ERAP1: variants seen among roughly 807,000 people sequenced by gnomAD.
ERAP1 encodes endoplasmic reticulum aminopeptidase 1.
A neutral mutation model predicts 103.7 loss-of-function variants in ERAP1; 86 were observed. The ratio of observed to expected loss-of-function variants is 0.83; its 90% CI spans 0.70 to 0.99. The LOEUF (loss-of-function observed/expected upper bound fraction) is 0.99. Ranked by LOEUF, ERAP1 falls within the 50% of genes least tolerant of loss-of-function variation. The pLI is 0.00. For missense variants in ERAP1, 1,009 were observed against 1,128.4 expected, an observed-to-expected ratio of 0.89 and a Z score of 1.52; for synonymous variants, 398 against 402.4, an observed-to-expected ratio of 0.99 and a Z score of 0.13.
At chr5:96,850,070 A>T in the ERAP1 span, among the ~76,000 whole-genome samples, 2 of 152,290 alleles carry the variant, frequency 1.3e-5, no homozygotes, top group Admixed American at 6.5e-5. Context: ...TTTTAACCTT[A>T]TCTCACCTCC....
chr5:96,856,241 C>T, the ERAP1 span, among the ~76,000 whole-genome samples: 1 of 140,420 alleles, frequency 7.1e-6, no homozygotes, highest in Non-Finnish European at 1.5e-5. Context: ...ATTATTTGAA[C>T]CCGGGAGGCG....
the ERAP1 span, chr5:96,913,230 C>A: frequency 9.5e-7 from 1 of 1,050,854 alleles, no homozygotes; most frequent in Non-Finnish European, 1.4e-6. Context: ...TCTTTCTGTT[C>A]TATTCTTTTA....
At chr5:96,875,408 T>C in the ERAP1 span, among the ~76,000 whole-genome samples, 1 of 151,816 alleles carries the variant, frequency 6.6e-6, no homozygotes, top group South Asian at 2.1e-4. Context: ...TAGTGGTGGA[T>C]GCCTGTAGCC....
the ERAP1 span, among the ~76,000 whole-genome samples, chr5:96,849,944 A>T: frequency 6.6e-6 from 1 of 152,194 alleles, no homozygotes; most frequent in African/African-American, 2.4e-5. Context: ...GAAAGCCTAG[A>T]AATAAATCCG....
intron 19 of ERAP1, among the ~76,000 whole-genome samples, chr5:96,764,819 GT>G (rs1443780228): frequency 6.6e-6 from 1 of 152,094 alleles, no homozygotes; most frequent in African/African-American, 2.4e-5. Context: ...TTCATATCCA[GT>G]TTTCTAATGG....
intron 1 of ERAP1, among the ~76,000 whole-genome samples, chr5:96,806,276 A>G (rs773998856): frequency 1.3e-5 from 2 of 152,060 alleles, no homozygotes; most frequent in Non-Finnish European, 2.9e-5. Context: ...AATTTTCTGA[A>G]AGGGAGGCAG....
chr5:96,766,833 T>C (rs1424599314), intron 19 of ERAP1, among the ~76,000 whole-genome samples: 1 of 151,834 alleles, frequency 6.6e-6, no homozygotes, highest in East Asian at 1.9e-4. Flanking sequence ...CACCCTTCTC[T>C]TTCTGTACTG....
At chr5:96,862,611 T>A in the ERAP1 span, among the ~76,000 whole-genome samples, 4 of 152,224 alleles carry the variant, frequency 2.6e-5, no homozygotes, top group Admixed American at 2.6e-4. Context: ...CATTAAAAGA[T>A]TCCATCATTG....
intron 18 of ERAP1, 70 bp downstream of exon 18, chr5:96,780,353 G>C: frequency 8.8e-7 from 1 of 1,134,030 alleles, no homozygotes; most frequent in South Asian, 1.6e-5. Context: ...AAAGTATTTT[G>C]TCTACCCCAT....
At chr5:96,818,226 C>A in the ERAP1 span, among the ~76,000 whole-genome samples, 1 of 152,132 alleles carries the variant, frequency 6.6e-6, no homozygotes, top group Non-Finnish European at 1.5e-5. Context: ...TTTGGAATGT[C>A]TCCAGGGGCT....
the ERAP1 span, among the ~76,000 whole-genome samples, chr5:96,887,104 C>CATAT: frequency 1.6e-3 from 46 of 29,154 alleles, no homozygotes; most frequent in African/African-American, 3.0e-3. Context: ...TATATATACA[C>CATAT]ACACACACAC....
At chr5:96,924,784 G>A in the ERAP1 span, among the ~76,000 whole-genome samples, 3 of 152,134 alleles carry the variant, frequency 2.0e-5, no homozygotes, top group East Asian at 5.8e-4. Flanking sequence ...TTTTAGTAGC[G>A]ACGGGATTTC....
Position 96,793,908 on chromosome 5 carries a change from T to G in ERAP1, c.969A>C (p.Gly323=). 6.2e-7 allele frequency: 1 copy of G among 1,614,128 alleles called. No homozygotes were observed. The highest frequency in any genetic ancestry group is 1.1e-5 in the South Asian group (1 of 91,088). Residue 323 remains glycine (G), a synonymous_variant, in exon 6 of 19, where the codon GGA becomes GGC. Transcript: ENST00000443439. ...DFQSGAMENW[G]LTTYRESALL... ...GAGCAGATTCTCTATATGTTGTCAG[T>G]CCCCAGTTTTCCATAGCACCAGACT... is the stretch of plus-strand genomic sequence containing the variant.
the ERAP1 span, among the ~76,000 whole-genome samples, chr5:96,824,148 T>C: frequency 6.6e-6 from 1 of 152,358 alleles, no homozygotes; most frequent in African/African-American, 2.4e-5. Flanking sequence ...ATAATATTTT[T>C]GGACAGAGAT....
the ERAP1 span, chr5:96,886,837 G>C: frequency 7.4e-7 from 1 of 1,343,804 alleles, no homozygotes; most frequent in Non-Finnish European, 9.7e-7. Context: ...AGTGTCCTGA[G>C]AGCAATGAAC....
chr5:96,764,807 T>C (rs183275412), intron 19 of ERAP1, among the ~76,000 whole-genome samples: 10 of 152,312 alleles, frequency 6.6e-5, no homozygotes, highest in African/African-American at 2.4e-4. Context: ...TAGATGTTTG[T>C]TTTCATATCC....
At chr5:96,890,189 C>T in the ERAP1 span, among the ~76,000 whole-genome samples, 3 of 152,196 alleles carry the variant, frequency 2.0e-5, no homozygotes, top group South Asian at 2.1e-4. Flanking sequence ...CGATCCCCAA[C>T]CTTTTTGACA....
At chr5:96,880,402 C>T in the ERAP1 span, 1 of 781,788 alleles carries the variant, frequency 1.3e-6, no homozygotes, top group African/African-American at 1.8e-5. Context: ...AAAGATCTAC[C>T]ATTCCTTAAG....
intron 5 of ERAP1, 94 bp from the exon 6 acceptor site, chr5:96,794,051 T>C: frequency 8.0e-7 from 1 of 1,256,678 alleles, no homozygotes; most frequent in Non-Finnish European, 1.2e-6. Context: ...TTGAACCAGC[T>C]GCCCGTGCAT....
Sources: allele counts gnomAD v4.1 joint callset (sites outside exome capture counted in the v4.1 genomes callset), GRCh38; gene constraint gnomAD v4.1.1; transcripts MANE v1.5; gene names NCBI Gene and HGNC (gene_info 2026-07-23, HGNC 2026-07-21).